TTYH1: variants seen among roughly 807,000 people sequenced by gnomAD.
TTYH1 encodes the protein tweety family member 1.
TTYH1 carries 33 observed loss-of-function variants against 61.2 expected under a neutral mutation model. That is an observed-to-expected ratio of 0.54 (90% CI 0.41 to 0.72). The LOEUF (loss-of-function observed/expected upper bound fraction) is 0.72, where lower values mean the gene tolerates loss of function less well. Ranked by LOEUF, TTYH1 falls within the 30% of genes least tolerant of loss-of-function variation. TTYH1 has a pLI of 0.00. For missense variants in TTYH1, 538 were observed against 575.8 expected, an observed-to-expected ratio of 0.93 and a Z score of 0.67; for synonymous variants, 308 against 266.4, an observed-to-expected ratio of 1.16 and a Z score of -1.52.
At chr19:54,424,928 G>A (rs7251091) in intron 4 of TTYH1, among the ~76,000 whole-genome samples, 9,844 of 152,036 alleles carry the variant, frequency 0.065, 482 homozygotes, top group African/African-American at 0.13. Context: ...CCAAGATCGT[G>A]GTGGCCACTT....
chr19:54,416,018 C>G lies in TTYH1; in HGVS notation c.126+340C>G. 3 of 1,330,610 alleles carry G rather than the reference C, an allele frequency of 2.3e-6. No individual in the cohort carries two copies. In the South Asian group the frequency reaches 3.7e-5, roughly 16 times the overall value. 82.4% of individuals were successfully genotyped at this position (1,330,610 alleles called of 1,614,324 possible). On this transcript the variant is annotated intron_variant, in intron 1 of 13. Coordinates refer to ENST00000376530, the MANE Select transcript of TTYH1 (RefSeq NM_020659.4). This position sits in a 1 kb window ranked among gnomAD's most constrained non-coding sequence, Gnocchi z 7.0. ...CTCCAGGGTCATCGGGAGGGTAGGT[C>G]TACTCTTCCTGCCCTAAAAGATGAC...
In TTYH1 at chr19:54,429,807, C is replaced by T; in HGVS notation, c.808-75C>T. On this transcript the variant is annotated intron_variant, in intron 6 of 13. Transcript: ENST00000376530. The surrounding 1 kb of genome is among the most constrained non-coding windows in gnomAD (Gnocchi z 5.1). ...TGGGTGGGGAGGGGAGCTGGGGAGC[C>T]AGGCACTGGGTGCTGTGGGAGTGTG... 2.2e-6 allele frequency: 3 copies of T among 1,353,454 alleles called. No individual in the cohort carries two copies. Among genetic ancestry groups the T allele is most frequent in the Non-Finnish European group, 3.1e-6 (3 of 954,276 alleles). 83.8% of individuals were successfully genotyped at this position (1,353,454 alleles called of 1,614,324 possible).
In TTYH1 at chr19:54,430,532, C is replaced by A; in HGVS notation, c.884-18C>A. ...GCCCAGGCTCATGGCCTCCTCCCCT[C>A]TCCTCCTCCCACTTCAGACATCCTG... is the stretch of plus-strand genomic sequence containing the variant. On this transcript the variant is annotated intron_variant, in intron 7 of 13. Transcript: ENST00000376530. The A allele has an allele frequency of 6.2e-7, 1 of 1,613,884 alleles. No homozygotes were observed. Among genetic ancestry groups the A allele is most frequent in the Non-Finnish European group, 8.5e-7 (1 of 1,179,814 alleles).
At chr19:54,427,694 T>A (rs2083356020) in intron 5 of TTYH1, among the ~76,000 whole-genome samples, 1 of 151,836 alleles carries the variant, frequency 6.6e-6, no homozygotes, top group African/African-American at 2.4e-5. Flanking sequence ...CTCCACCCCA[T>A]GAAGGAGCTA....
rs1053517449 is a variant in TTYH1 at position 54,420,468 on chromosome 19, G to A, written c.306-809G>A. Among the ~76,000 whole-genome samples the A allele has an allele frequency of 1.6e-4, 24 of 151,904 alleles. No individual in the cohort carries two copies. The highest frequency in any genetic ancestry group is 3.1e-4 in the African/African-American group (13 of 41,354). On this transcript the variant is annotated intron_variant, in intron 2 of 13. Transcript: ENST00000376530. The surrounding 1 kb of genome is among the most constrained non-coding windows in gnomAD (Gnocchi z 4.8). ...GGCGGGGACACTGGGCGTCCGACCC[G>A]AGGGATGGGGGTGGAGGCCCAGCCG...
Position 54,436,278 on chromosome 19 carries a change from C to A in TTYH1, c.*43-55C>A. 1 of 1,612,846 alleles carries A rather than the reference C, an allele frequency of 6.2e-7. No individual in the cohort carries two copies. The highest frequency in any genetic ancestry group is 1.7e-5 in the Admixed American group (1 of 59,992). ...TGCGTGCCTCCTGCTGGGTGGATCG[C>A]ACCGGGCAGGCCCTCCAGCCTGCAT... On this transcript the variant is annotated intron_variant, in intron 13 of 13. Transcript: ENST00000376530. The surrounding 1 kb of genome is among the most constrained non-coding windows in gnomAD (Gnocchi z 4.3).
intron 5 of TTYH1, among the ~76,000 whole-genome samples, chr19:54,428,346 C>T (rs1425497486): frequency 6.6e-6 from 1 of 151,964 alleles, no homozygotes; most frequent in Non-Finnish European, 1.5e-5. Context: ...GCCTCAGCCT[C>T]CCAAAGTGCC....
intron 1 of TTYH1, chr19:54,417,022 AG>A (rs1469720975): frequency 9.6e-6 from 11 of 1,145,842 alleles, no homozygotes; most frequent in Non-Finnish European, 1.2e-5. Flanking sequence ...GAGGAGGGCA[AG>A]GGGGACCCCT....
chr19:54,428,022 C>G (rs961807926), intron 5 of TTYH1, among the ~76,000 whole-genome samples: 1 of 151,964 alleles, frequency 6.6e-6, no homozygotes, highest in Non-Finnish European at 1.5e-5. Context: ...AGTGATCCCC[C>G]CACCTCAGCC....
intron 10 of TTYH1, chr19:54,431,580 C>G (rs773577547): frequency 6.6e-5 from 17 of 259,526 alleles, no homozygotes; most frequent in Non-Finnish European, 1.3e-4. Flanking sequence ...TGCCTGGGTT[C>G]CAGTCCTACC....
Position 54,431,034 on chromosome 19 carries a change from G to T in TTYH1, c.1033-65G>T. 6 of 1,523,310 alleles carry T rather than the reference G, an allele frequency of 3.9e-6. No homozygotes were observed. The South Asian group carries it at 6.8e-5, about 17-fold the overall frequency. The allele number at this position is 1,523,310 out of a possible 1,614,324, so 94.4% of individuals were successfully genotyped here. A position where few individuals can be genotyped will look rare whatever the true frequency, so the allele number is the denominator to read the frequency against. On this transcript the variant is annotated intron_variant, in intron 9 of 13. Coordinates refer to ENST00000376530, the MANE Select transcript of TTYH1 (RefSeq NM_020659.4). ...CTTGGGTTGTGGGCGGGGACGCAGG[G>T]CGGGGCCAGGGCGATGGGCGGGCCT...
chr19:54,436,070 C>A lies in TTYH1; in HGVS notation c.1315-21C>A. ...CCACTCCATTCCCTCCTCTCCCCCG[C>A]TACCCCGAATCTCCTAGCAGGAATC... On this transcript the variant is annotated intron_variant, in intron 12 of 13. Coordinates refer to ENST00000376530, the MANE Select transcript of TTYH1 (RefSeq NM_020659.4). This position sits in a 1 kb window ranked among gnomAD's most constrained non-coding sequence, Gnocchi z 4.3. 1.2e-6 allele frequency: 2 copies of A among 1,613,074 alleles called. No individual in the cohort carries two copies. The highest frequency in any genetic ancestry group is 1.7e-6 in the Non-Finnish European group (2 of 1,179,198).
chr19:54,432,305 C>A (rs2083459001), intron 10 of TTYH1: 3 of 152,288 alleles, frequency 2.0e-5, no homozygotes, highest in Admixed American at 2.0e-4. Context: ...CCATCAAAGA[C>A]CTCACATGTG....
chr19:54,432,265 C>A (rs1173486382), intron 10 of TTYH1: 1 of 152,238 alleles, frequency 6.6e-6, no homozygotes, highest in Non-Finnish European at 1.5e-5. Flanking sequence ...AAAACACACA[C>A]CCGAGGATGC....
Position 54,435,847 on chromosome 19 carries a change from G to C in TTYH1, c.1288G>C (p.Asp430His), listed in dbSNP as rs1472879548. ...FPPSDDYDDTDDDDPFNPQES... is the reference protein window; with the variant it reads ...FPPSDDYDDTHDDDPFNPQES... Reference sequence around the variant, plus strand: ...CCCCAGTGACGACTACGATGACACAGACGATGACGACCCTTTCAACCCTCA... The same window carrying C: ...CCCCAGTGACGACTACGATGACACACACGATGACGACCCTTTCAACCCTCA... Residue 430 changes from aspartate (D) to histidine (H), a missense_variant, in exon 12 of 14, where the codon GAC (aspartate) becomes CAC (histidine). Around this residue, in one of 3 missense-constraint regions of TTYH1, gnomAD observed 378 missense variants for 401.2 expected, o/e 0.94. Coordinates refer to ENST00000376530, the MANE Select transcript of TTYH1 (RefSeq NM_020659.4). 1.2e-6 allele frequency: 2 copies of C among 1,613,350 alleles called. No homozygotes were observed. The highest frequency in any genetic ancestry group is 8.5e-7 in the Non-Finnish European group (1 of 1,179,994).
rs747781504 is a variant in TTYH1, at chr19:54,419,567, A to G, written c.305+261A>G. 97 of 683,196 alleles carry G rather than the reference A, an allele frequency of 1.4e-4. No homozygotes were observed. Among genetic ancestry groups the G allele is most frequent in the Non-Finnish European group, 2.4e-4 (90 of 373,510 alleles). The allele number at this position is 683,196 out of a possible 1,614,324, so 42.3% of individuals were successfully genotyped here. On this transcript the variant is annotated intron_variant, in intron 2 of 13. Transcript: ENST00000376530. This position sits in a 1 kb window ranked among gnomAD's most constrained non-coding sequence, Gnocchi z 6.1. ...GGTGAGAAGGCGCAGGGGCAGTCAG[A>G]TGGCCTGGTTTTGGTGGCTCTCCCA... is the stretch of plus-strand genomic sequence containing the variant.
Position 54,421,182 on chromosome 19 carries a change from TAAG to T in TTYH1, c.306-91_306-89del. 1.3e-6 allele frequency: 1 copy of T among 766,068 alleles called. No individual in the cohort carries two copies. Among genetic ancestry groups the T allele is most frequent in the Non-Finnish European group, 2.2e-6 (1 of 445,930 alleles). The allele number at this position is 766,068 out of a possible 1,614,324, so 47.5% of individuals were successfully genotyped here. ...GTGGGGCTGAGATGGGAGGGGTGGATAAGAAGGCGAGGTGGAGGGGATGGGGTG... is the reference window on the plus strand; with the variant it reads ...GTGGGGCTGAGATGGGAGGGGTGGATAAGGCGAGGTGGAGGGGATGGGGTG... On this transcript the variant is annotated intron_variant, in intron 2 of 13. Coordinates refer to ENST00000376530, the MANE Select transcript of TTYH1 (RefSeq NM_020659.4). This position sits in a 1 kb window ranked among gnomAD's most constrained non-coding sequence, Gnocchi z 4.8.
At chr19:54,426,051 G>A (rs565534886) in intron 4 of TTYH1, among the ~76,000 whole-genome samples, 185 of 152,270 alleles carry the variant, frequency 1.2e-3, no homozygotes, top group East Asian at 4.4e-3. Context: ...CAGTTCCCTC[G>A]TTCACGCTCA....
intron 5 of TTYH1, among the ~76,000 whole-genome samples, chr19:54,427,069 T>G (rs1487364835): frequency 6.8e-6 from 1 of 147,556 alleles, no homozygotes; most frequent in Non-Finnish European, 1.5e-5. Context: ...GAGGCCGAGG[T>G]GGGTGGATCA....
Sources: allele counts gnomAD v4.1 joint callset (sites outside exome capture counted in the v4.1 genomes callset), GRCh38; gene constraint gnomAD v4.1.1; regional missense constraint gnomAD v4.1.1; non-coding constraint Gnocchi (gnomAD v3.1); transcripts MANE v1.5; gene names NCBI Gene and HGNC (gene_info 2026-07-23, HGNC 2026-07-21).